Variants in PYY observed in about 807,000 individuals in gnomAD.
PYY encodes the protein peptide YY, also known as peptide tyrosine tyrosine.
A neutral mutation model predicts 10.3 loss-of-function variants in PYY; 12 were observed. The ratio of observed to expected loss-of-function variants is 1.17; its 90% CI spans 0.75 to 1.89. The LOEUF (loss-of-function observed/expected upper bound fraction) is 1.89. PYY is among the 40% of genes most tolerant of loss of function. PYY has a pLI of 0.00. For synonymous variants in PYY, 66 were observed against 62.0 expected, an observed-to-expected ratio of 1.06 and a Z score of -0.30; for missense variants, 141 against 134.0, an observed-to-expected ratio of 1.05 and a Z score of -0.26.
intron 1 of PYY, among the ~76,000 whole-genome samples, chr17:43,988,524 C>A (rs2143949284): frequency 6.6e-6 from 1 of 152,218 alleles, no homozygotes; most frequent in Non-Finnish European, 1.5e-5. Flanking sequence ...TTGACTGCCA[C>A]CCTGAGCACT....
chr17:43,979,439 C>T (rs2048868939), intron 1 of PYY, among the ~76,000 whole-genome samples: 1 of 152,216 alleles, frequency 6.6e-6, no homozygotes, highest in African/African-American at 2.4e-5. Context: ...AATGGCTGCA[C>T]CTGCCTATAC....
chr17:43,989,901 C>T (rs76694374), intron 1 of PYY, among the ~76,000 whole-genome samples: 10,827 of 12,352 alleles, frequency 0.88, 5,027 homozygotes, highest in East Asian at 0.96. Context: ...TATATATATA[C>T]ACACAAATCT....
rs1352981075 is a variant in PYY at position 43,953,307 on chromosome 17, G to T, written c.177C>A (p.Val59=). 5 of 1,612,438 alleles carry T rather than the reference G, an allele frequency of 3.1e-6. No homozygotes were observed. In the African/African-American group the frequency reaches 5.3e-5, roughly 17 times the overall value. The change falls in exon 2 of 4, where the codon GTC becomes GTA. Residue 59 remains valine, a synonymous_variant. Transcript: ENST00000692052. ...YASLRHYLNL[V]TRQRYGKRDG... is the part of the protein sequence containing the mutation. ...GCGCCTGCGCTCACCGCTGCCGGGT[G>T]ACCAGGTTGAGGTAGTGGCGCAGGG...
At chr17:43,997,878 T>C (rs950324108) in intron 1 of PYY, among the ~76,000 whole-genome samples, 6 of 152,086 alleles carry the variant, frequency 3.9e-5, no homozygotes, top group African/African-American at 1.4e-4. Flanking sequence ...GGGTAGAATA[T>C]ATACTGACTA....
intron 2 of PYY, among the ~76,000 whole-genome samples, chr17:43,960,964 G>A (rs1184922647): frequency 6.6e-6 from 1 of 151,888 alleles, no homozygotes; most frequent in African/African-American, 2.4e-5. Flanking sequence ...GCCCACACCT[G>A]TAATCTCAGC....
intron 1 of PYY, among the ~76,000 whole-genome samples, chr17:43,984,593 G>A (rs1266424265): frequency 6.6e-6 from 1 of 152,194 alleles, no homozygotes; most frequent in Non-Finnish European, 1.5e-5. Context: ...GCCAGTGGCC[G>A]GGTAGGGATT....
rs1425224763 is a variant in PYY, at chr17:43,991,358, G to T, written c.-463+13033C>A. 2.0e-5 allele frequency among the ~76,000 whole-genome samples: 3 copies of T among 152,154 alleles called. No individual in the cohort carries two copies. The East Asian group carries it at 5.8e-4, about 30-fold the overall frequency. On this transcript the variant is annotated intron_variant, in intron 1 of 6. Coordinates refer to the PYY transcript ENST00000360085. Reference sequence around the variant, plus strand: ...AGGCAGGAGAAACACTTGAACCCAGGAGGGAGAGGTTGCAGTGAGCTGAGA... The same window carrying T: ...AGGCAGGAGAAACACTTGAACCCAGTAGGGAGAGGTTGCAGTGAGCTGAGA...
intron 1 of PYY, among the ~76,000 whole-genome samples, chr17:43,988,661 C>T (rs2048930234): frequency 1.3e-5 from 2 of 152,080 alleles, no homozygotes; most frequent in Non-Finnish European, 2.9e-5. Flanking sequence ...ATGGCCAGCA[C>T]ACAGAGATAT....
upstream of PYY, among the ~76,000 whole-genome samples, chr17:43,954,520 C>T (rs376933316): frequency 2.0e-5 from 3 of 152,120 alleles, no homozygotes; most frequent in East Asian, 3.8e-4. Flanking sequence ...TGGGGAGAGG[C>T]CTCTCTGAAC....
intron 1 of PYY, among the ~76,000 whole-genome samples, chr17:43,991,174 A>G (rs1034471254): frequency 6.6e-6 from 1 of 151,944 alleles, no homozygotes; most frequent in Non-Finnish European, 1.5e-5. Context: ...TCATGCCTGT[A>G]ATTCCAGCAC....
At chr17:43,988,532 A>T (rs929999224) in intron 1 of PYY, among the ~76,000 whole-genome samples, 1 of 151,834 alleles carries the variant, frequency 6.6e-6, no homozygotes, top group African/African-American at 2.4e-5. Flanking sequence ...CACCCTGAGC[A>T]CTCCAGGGCA....
In PYY at chr17:43,976,397, G is replaced by A. The variant is rs190825182; in HGVS notation, c.-462-9865C>T. ...TATACACATACATGTATACATATACGTATATACATATTCATGTATACATAT... is the reference window on the plus strand; with the variant it reads ...TATACACATACATGTATACATATACATATATACATATTCATGTATACATAT... On this transcript the variant is annotated intron_variant, in intron 1 of 6. Transcript: ENST00000360085. 3.1e-4 allele frequency among the ~76,000 whole-genome samples: 42 copies of A among 136,348 alleles called. 1 individual carries two copies. In the South Asian group the frequency reaches 3.8e-3, roughly 12 times the overall value. The allele number at this position is 136,348 out of a possible 152,430, so 89.4% of individuals were successfully genotyped here.
At chr17:43,994,155 G>GA (rs59035364) in intron 1 of PYY, among the ~76,000 whole-genome samples, 2 of 151,486 alleles carry the variant, frequency 1.3e-5, no homozygotes, top group Admixed American at 1.3e-4. Context: ...CACCCAGCCT[G>GA]AAAAAAAAAT....
At chr17:43,993,384 G>A (rs555968332) in intron 1 of PYY, among the ~76,000 whole-genome samples, 8 of 151,846 alleles carry the variant, frequency 5.3e-5, no homozygotes, top group South Asian at 4.2e-4. Flanking sequence ...GCGTGAACCC[G>A]CGAGGCAGAG....
chr17:43,999,645 G>C, intron 1 of PYY, among the ~76,000 whole-genome samples: 1 of 151,964 alleles, frequency 6.6e-6, no homozygotes. Context: ...GCGCGTGCCT[G>C]TAATCCCAGC....
intron 1 of PYY, among the ~76,000 whole-genome samples, chr17:43,992,767 T>G (rs2048966028): frequency 6.6e-6 from 1 of 152,124 alleles, no homozygotes; most frequent in African/African-American, 2.4e-5. Flanking sequence ...GCGCCTGTAA[T>G]CCCATCTATT....
At chr17:43,980,455 T>C (rs560776240) in intron 1 of PYY, among the ~76,000 whole-genome samples, 21 of 146,946 alleles carry the variant, frequency 1.4e-4, no homozygotes, top group African/African-American at 5.1e-4. Flanking sequence ...TGAGCCACCA[T>C]GCCTGGACTT....
In PYY at chr17:43,952,829, A is replaced by C; in HGVS notation, c.*127T>G. ...GGCGGGGGCACCGAGACGCGGGCGG[A>C]GGGCCGCACCCGAACCCTGCCCAGA... is the stretch of plus-strand genomic sequence containing the variant. On this transcript the variant is annotated 3_prime_UTR_variant, in exon 4 of 4. Transcript: ENST00000692052. The C allele has an allele frequency of 9.6e-7, 1 of 1,039,616 alleles. No individual in the cohort carries two copies. Among genetic ancestry groups the C allele is most frequent in the South Asian group, 1.9e-5 (1 of 52,890 alleles). 64.4% of individuals were successfully genotyped at this position (1,039,616 alleles called of 1,614,324 possible).
chr17:43,999,545 T>A (rs1314841672), intron 1 of PYY, among the ~76,000 whole-genome samples: 1 of 150,380 alleles, frequency 6.6e-6, no homozygotes, highest in Non-Finnish European at 1.5e-5. Context: ...GGAGGGCAGA[T>A]CACCTAAGTT....
Sources: gnomAD v4.1 joint callset for allele counts (sites outside exome capture counted in the v4.1 genomes callset) on GRCh38, gnomAD v4.1.1 for gene constraint, MANE v1.5 for transcripts, NCBI Gene and HGNC (gene_info 2026-07-23, HGNC 2026-07-21) for gene names.